Variants in TF observed in about 807,000 individuals in gnomAD.
TF encodes the protein serotransferrin.
TF carries 55 observed loss-of-function variants against 82.4 expected under a neutral mutation model. The observed-to-expected ratio is 0.67, with a 90% CI of 0.54 to 0.84. TF has a LOEUF of 0.84. TF is among the 40% of genes least tolerant of loss of function. The pLI is 0.00. For synonymous variants in TF, 332 were observed against 332.6 expected, an observed-to-expected ratio of 1.00 and a Z score of 0.02; for missense variants, 737 against 868.4, an observed-to-expected ratio of 0.85 and a Z score of 1.90.
the TF span, among the ~76,000 whole-genome samples, chr3:133,713,656 C>A: frequency 1.1e-4 from 16 of 152,286 alleles, no homozygotes; most frequent in East Asian, 1.7e-3. Context: ...CCTGGCCTTG[C>A]GTGCATGTGG....
the TF span, among the ~76,000 whole-genome samples, chr3:133,682,691 A>G: frequency 6.6e-6 from 1 of 152,240 alleles, no homozygotes; most frequent in African/African-American, 2.4e-5. Flanking sequence ...CAAAGCCTCC[A>G]AGAAATATGG....
At chr3:133,754,734 C>T in intron 4 of TF, 63 bp downstream of exon 4, 1 of 1,544,262 alleles carries the variant, frequency 6.5e-7, no homozygotes, top group Non-Finnish European at 8.9e-7. Context: ...CCCACACAGG[C>T]TGCACTAGAC....
the TF span, among the ~76,000 whole-genome samples, chr3:133,670,865 GA>G: frequency 6.6e-6 from 1 of 152,194 alleles, no homozygotes; most frequent in African/African-American, 2.4e-5. Context: ...TGGCCAGGGG[GA>G]ATCTGGCTTT....
chr3:133,735,343 A>ACCC, the TF span, among the ~76,000 whole-genome samples: 1 of 151,422 alleles, frequency 6.6e-6, no homozygotes. Flanking sequence ...CCATCCCAAA[A>ACCC]AAAAAAAAAA....
chr3:133,783,736 G>A lies in TF; in HGVS notation c.*5116G>A, dbSNP rs1934572317. On this transcript the variant is annotated 3_prime_UTR_variant, in exon 17 of 17. Transcript: ENST00000402696. ...ATGTGAGCGCGGACAGCTCTGCTGG[G>A]CCCTCCAGGCCCTCCGCCCGGTAGA... 1 of 152,232 alleles carries A rather than the reference G, an allele frequency of 6.6e-6. No individual in the cohort carries two copies. The highest frequency in any genetic ancestry group is 2.4e-5 in the African/African-American group (1 of 41,456). The allele number at this position is 152,232 out of a possible 1,614,324, so 9.4% of individuals were successfully genotyped here. A position where few individuals can be genotyped will look rare whatever the true frequency, so the allele number is the denominator to read the frequency against.
chr3:133,682,186 A>G, the TF span, among the ~76,000 whole-genome samples: 1 of 152,168 alleles, frequency 6.6e-6, no homozygotes, highest in Non-Finnish European at 1.5e-5. Flanking sequence ...CATCAACACC[A>G]AAACCCCATC....
the TF span, among the ~76,000 whole-genome samples, chr3:133,734,001 A>G: frequency 6.6e-6 from 1 of 152,186 alleles, no homozygotes; most frequent in Admixed American, 6.5e-5. Flanking sequence ...AAGAGAAATG[A>G]GCAAAGAGCT....
chr3:133,770,783 C>G, intron 14 of TF: 2 of 614,910 alleles, frequency 3.3e-6, no homozygotes. Context: ...CCTAAATCCT[C>G]CCCAACACAC....
rs923264554 is a variant in TF, at chr3:133,783,077, C to G, written c.*4457C>G. ...TGAACAAGCCTAGAGATCTAATGTA[C>G]AACATAAGGACCACAGTATAGGTAA... On this transcript the variant is annotated 3_prime_UTR_variant, in exon 17 of 17. Coordinates refer to ENST00000402696, the MANE Select transcript of TF (RefSeq NM_001063.4). The G allele has an allele frequency of 6.6e-6, 1 of 152,152 alleles. No homozygotes were observed. Among genetic ancestry groups the G allele is most frequent in the Non-Finnish European group, 1.5e-5 (1 of 68,028 alleles). The allele number at this position is 152,152 out of a possible 1,614,324, so 9.4% of individuals were successfully genotyped here.
At chr3:133,748,056 C>G (rs1933552638) in intron 1 of TF, 2 of 308,426 alleles carry the variant, frequency 6.5e-6, no homozygotes, top group African/African-American at 2.1e-5. Context: ...GCTGAAAACG[C>G]CCTGTGCATA....
the TF span, among the ~76,000 whole-genome samples, chr3:133,729,127 G>A: frequency 6.6e-6 from 1 of 152,172 alleles, no homozygotes; most frequent in Non-Finnish European, 1.5e-5. Context: ...ACTTGAGGAG[G>A]CAGTCTGTCC....
chr3:133,772,221 T>TATA (rs1422385842), intron 14 of TF, among the ~76,000 whole-genome samples: 1 of 152,228 alleles, frequency 6.6e-6, no homozygotes, highest in Middle Eastern at 3.2e-3. Context: ...GCAGAAATAT[T>TATA]GGGTTGACTA....
chr3:133,694,868 T>G, the TF span, among the ~76,000 whole-genome samples: 3 of 113,818 alleles, frequency 2.6e-5, no homozygotes, highest in Admixed American at 2.9e-4. Context: ...ATTTATTTAT[T>G]TATTTATTTA....
intron 14 of TF, chr3:133,772,975 G>T (rs751681502): frequency 6.6e-5 from 10 of 152,044 alleles, no homozygotes; most frequent in African/African-American, 1.2e-4. Flanking sequence ...ACATATGCAG[G>T]TTTGTTACAT....
chr3:133,672,125 C>A, the TF span, among the ~76,000 whole-genome samples: 1 of 152,158 alleles, frequency 6.6e-6, no homozygotes, highest in African/African-American at 2.4e-5. Flanking sequence ...ATAAAATGGA[C>A]AAATTTCTTT....
the TF span, among the ~76,000 whole-genome samples, chr3:133,731,225 A>T: frequency 3.9e-5 from 6 of 152,294 alleles, no homozygotes; most frequent in East Asian, 1.2e-3. Flanking sequence ...AACCAGCTGA[A>T]CAGAGCTGAT....
chr3:133,674,273 C>G, the TF span, among the ~76,000 whole-genome samples: 1 of 152,200 alleles, frequency 6.6e-6, no homozygotes, highest in Non-Finnish European at 1.5e-5. Context: ...CCTGGGAACC[C>G]CCGCGGATCT....
the TF span, among the ~76,000 whole-genome samples, chr3:133,681,279 C>G: frequency 6.6e-6 from 1 of 152,210 alleles, no homozygotes; most frequent in Non-Finnish European, 1.5e-5. Flanking sequence ...GTGAGCTACG[C>G]AGAAGACAGG....
intron 14 of TF, chr3:133,773,882 T>G (rs1934320086): frequency 6.6e-6 from 1 of 152,200 alleles, no homozygotes; most frequent in African/African-American, 2.4e-5. Flanking sequence ...GGCGGTCTCC[T>G]CTCTCCCTTA....
Sources: allele counts gnomAD v4.1 joint callset (sites outside exome capture counted in the v4.1 genomes callset), GRCh38; gene constraint gnomAD v4.1.1; transcripts MANE v1.5; gene names NCBI Gene and HGNC (gene_info 2026-07-23, HGNC 2026-07-21).